Variants in MOCOS observed in about 807,000 individuals in gnomAD.
The protein encoded by MOCOS is molybdenum cofactor sulfurase.
Under a neutral mutation model 83.6 loss-of-function variants are expected in MOCOS, and 86 were observed. The observed-to-expected ratio is 1.03, with a 90% confidence interval of 0.86 to 1.23. The LOEUF (loss-of-function observed/expected upper bound fraction) is 1.23, where lower values mean the gene tolerates loss of function less well. MOCOS is among the 50% of genes most tolerant of loss of function. MOCOS has a pLI of 0.00. For synonymous variants in MOCOS, 445 were observed against 434.7 expected (o/e 1.02, Z -0.29); for missense variants, 1,120 against 1,126.9 (o/e 0.99, Z 0.09).
intron 1 of MOCOS, among the ~76,000 whole-genome samples, chr18:36,190,775 CA>C (rs897275258): frequency 6.6e-6 from 1 of 151,612 alleles, no homozygotes; most frequent in Non-Finnish European, 1.5e-5. Context: ...CAAAACAAAA[CA>C]AAAAAACTTT....
At chr18:36,254,631 G>A (rs1033753404) in intron 11 of MOCOS, among the ~76,000 whole-genome samples, 1 of 150,336 alleles carries the variant, frequency 6.7e-6, no homozygotes, top group Non-Finnish European at 1.5e-5. Flanking sequence ...ATATATGAAC[G>A]AACTGTCTTT....
intron 6 of MOCOS, among the ~76,000 whole-genome samples, chr18:36,208,768 T>C (rs2091443508): frequency 6.6e-6 from 1 of 152,232 alleles, no homozygotes; most frequent in South Asian, 2.1e-4. Flanking sequence ...TCTCTTCCTA[T>C]TTGGATGTCT....
At position 36,200,339 on chromosome 18, in the gene MOCOS, G is replaced by A; in HGVS notation, c.941+15G>A. On this transcript the variant is annotated intron_variant, in intron 4 of 14. Coordinates refer to ENST00000261326, the MANE Select transcript of MOCOS (RefSeq NM_017947.4). Reference sequence around the variant, plus strand: ...GTAGCTCAGAGGTAACCTTGCCACAGGGGAGGGGTCAGAGGAGTTCAGCAA... The same window carrying A: ...GTAGCTCAGAGGTAACCTTGCCACAAGGGAGGGGTCAGAGGAGTTCAGCAA... The A allele has an allele frequency of 1.2e-6, 2 of 1,613,732 alleles. No homozygotes were observed. The highest frequency in any genetic ancestry group is 1.7e-6 in the Non-Finnish European group (2 of 1,179,982).
chr18:36,199,536 A>T, intron 3 of MOCOS, 147 bp from the exon 4 acceptor site: 1 of 1,257,108 alleles, frequency 8.0e-7, no homozygotes, highest in Non-Finnish European at 1.1e-6. Flanking sequence ...CACGGCTTCC[A>T]TTGCCCTCGC....
In MOCOS at chr18:36,200,190, T is replaced by C; in HGVS notation, c.807T>C (p.Pro269=). ...CCTTCTATAAGATCTTCGGGTTTCCTACAGGCCTGGGCGCTCTGCTGGTCC... is the reference window on the plus strand; with the variant it reads ...CCTTCTATAAGATCTTCGGGTTTCCCACAGGCCTGGGCGCTCTGCTGGTCC... The part of the protein sequence containing the change: ...PISFYKIFGF[P]TGLGALLVHN... The change falls in exon 4 of 15, where the codon CCT becomes CCC. Residue 269 remains proline, a synonymous_variant. Coordinates refer to ENST00000261326, the MANE Select transcript of MOCOS (RefSeq NM_017947.4). 2 of 1,614,226 alleles carry C rather than the reference T, an allele frequency of 1.2e-6. No individual in the cohort carries two copies. Among genetic ancestry groups the C allele is most frequent in the Non-Finnish European group, 1.7e-6 (2 of 1,180,026 alleles).
intron 12 of MOCOS, 106 bp from the exon 13 acceptor site, chr18:36,259,931 A>C: frequency 1.4e-6 from 2 of 1,455,734 alleles, no homozygotes; most frequent in Non-Finnish European, 1.9e-6. Flanking sequence ...AGGCCACAGT[A>C]GAGCTGATGA....
rs373998645 is a variant in MOCOS, at chr18:36,201,424, G to C, written c.941+1100G>C. Among the ~76,000 whole-genome samples, 221 of 152,196 alleles carry C rather than the reference G, an allele frequency of 1.5e-3. 2 individuals carry two copies. The highest frequency in any genetic ancestry group is 5.0e-3 in the African/African-American group (208 of 41,538). ...CACACCTGTAATCCCAGCACTTTGG[G>C]AGGCCAAGGTGGGTGGATCATGAGG... On this transcript the variant is annotated intron_variant, in intron 4 of 14. Coordinates refer to ENST00000261326, the MANE Select transcript of MOCOS (RefSeq NM_017947.4).
chr18:36,217,478 A>C (rs1437289593), intron 8 of MOCOS, among the ~76,000 whole-genome samples: 2 of 152,118 alleles, frequency 1.3e-5, no homozygotes, highest in African/African-American at 4.8e-5. Context: ...CTGCAGGGAC[A>C]TCTATGACTA....
Position 36,220,194 on chromosome 18 carries a change from G to A in MOCOS, c.1937G>A (p.Arg646Lys). 6.2e-7 allele frequency: 1 copy of A among 1,614,174 alleles called. No individual in the cohort carries two copies. Among genetic ancestry groups the A allele is most frequent in the Non-Finnish European group, 8.5e-7 (1 of 1,180,048 alleles). The change falls in exon 9 of 15, where the codon AGG (arginine) becomes AAG (lysine). Residue 646 changes from arginine to lysine, a missense_variant. Transcript: ENST00000261326. ...LIQPFIDLRQ[R>K]IMVIKAKGME... ...CAGCCCTTCATCGACTTGCGGCAAAGGATCATGGTCATCAAAGCCAAAGGT... is the reference window on the plus strand; with the variant it reads ...CAGCCCTTCATCGACTTGCGGCAAAAGATCATGGTCATCAAAGCCAAAGGT...
chr18:36,251,124 G>GT, intron 10 of MOCOS, 35 bp from the exon 11 acceptor site: 1 of 1,595,814 alleles, frequency 6.3e-7, no homozygotes, highest in Non-Finnish European at 8.6e-7. Context: ...TAAATACTAT[G>GT]TAACAGTTCA....
intron 8 of MOCOS, among the ~76,000 whole-genome samples, chr18:36,218,847 T>A (rs2091484832): frequency 6.9e-6 from 1 of 144,850 alleles, no homozygotes; most frequent in African/African-American, 2.6e-5. Flanking sequence ...TTTTATTTAT[T>A]TATTTATTTA....
At chr18:36,236,440 G>A (rs1381598525) in intron 9 of MOCOS, among the ~76,000 whole-genome samples, 1 of 113,328 alleles carries the variant, frequency 8.8e-6, no homozygotes, top group Non-Finnish European at 1.9e-5. Flanking sequence ...TCAGATAGTT[G>A]TAGATATGTG....
intron 1 of MOCOS, among the ~76,000 whole-genome samples, chr18:36,193,312 C>A (rs1270871188): frequency 5.0e-5 from 3 of 59,900 alleles, no homozygotes; most frequent in Non-Finnish European, 8.4e-5. Flanking sequence ...AGCGAGACTC[C>A]GTCTCAAAAA....
chr18:36,244,444 T>G (rs1202716711), intron 9 of MOCOS, among the ~76,000 whole-genome samples: 1 of 152,192 alleles, frequency 6.6e-6, no homozygotes, highest in Non-Finnish European at 1.5e-5. Context: ...AGAGTTCTTT[T>G]TGGAGTTAAT....
intron 2 of MOCOS, among the ~76,000 whole-genome samples, chr18:36,198,101 T>C (rs2091396976): frequency 6.6e-6 from 1 of 152,096 alleles, no homozygotes; most frequent in Admixed American, 6.6e-5. Flanking sequence ...GCAAATAACT[T>C]CCCTGGCTGG....
chr18:36,239,531 A>T (rs1252100646), intron 9 of MOCOS, among the ~76,000 whole-genome samples: 1 of 150,794 alleles, frequency 6.6e-6, no homozygotes, highest in Non-Finnish European at 1.5e-5. Context: ...CTTCCCTTTG[A>T]GGGTAACCCG....
rs766703333 is a variant in MOCOS at position 36,220,155 on chromosome 18, G to A, written c.1898G>A (p.Arg633Gln). ...TGCCTGAGTCAGAAGCAGGAACCCC[G>A]GCTCTGCCTGATCCAGCCCTTCATC... Reference protein sequence around the residue: ...GVCLSQKQEPRLCLIQPFIDL... With the variant: ...GVCLSQKQEPQLCLIQPFIDL... The change falls in exon 9 of 15, where the codon CGG (arginine) becomes CAG (glutamine). Residue 633 changes from arginine (R) to glutamine (Q), a missense_variant. Coordinates refer to ENST00000261326, the MANE Select transcript of MOCOS (RefSeq NM_017947.4). 8.1e-6 allele frequency: 13 copies of A among 1,614,106 alleles called. No homozygotes were observed. The highest frequency in any genetic ancestry group is 6.6e-5 in the South Asian group (6 of 91,080).
At chr18:36,190,522 G>T (rs550838738) in intron 1 of MOCOS, among the ~76,000 whole-genome samples, 61 of 152,202 alleles carry the variant, frequency 4.0e-4, no homozygotes, top group Middle Eastern at 3.4e-3. Context: ...GCTGAGGTGG[G>T]CAGATCACTT....
At chr18:36,208,595 G>A (rs1490970574) in intron 6 of MOCOS, among the ~76,000 whole-genome samples, 2 of 152,042 alleles carry the variant, frequency 1.3e-5, no homozygotes, top group Admixed American at 1.3e-4. Flanking sequence ...TTTCAGCTTG[G>A]TCATTATTAG....
Sources: allele counts gnomAD v4.1 joint callset (sites outside exome capture counted in the v4.1 genomes callset), GRCh38; gene constraint gnomAD v4.1.1; transcripts MANE v1.5; gene names NCBI Gene and HGNC (gene_info 2026-07-23, HGNC 2026-07-21).